Variants in CRAMP1 observed in about 807,000 individuals in gnomAD.
CRAMP1 encodes cramped chromatin regulator 1.
In CRAMP1, 50 loss-of-function variants were observed where a neutral mutation model predicts 115.4. The observed-to-expected ratio is 0.43, with a 90% CI of 0.35 to 0.55. The LOEUF is 0.55. Ranked by LOEUF, CRAMP1 falls within the 20% of genes least tolerant of loss-of-function variation. The pLI is 0.01. For missense variants in CRAMP1, 1,679 were observed against 1,721.7 expected, an observed-to-expected ratio of 0.98 and a Z score of 0.44; for synonymous variants, 866 against 745.4, an observed-to-expected ratio of 1.16 and a Z score of -2.64.
At chr16:1,670,081 A>G (rs145487433) in intron 19 of CRAMP1, among the ~76,000 whole-genome samples, 1 of 152,026 alleles carries the variant, frequency 6.6e-6, no homozygotes, top group South Asian at 2.1e-4. Flanking sequence ...CCTTGGCAGC[A>G]TAGAGAGACC....
intron 6 of CRAMP1, among the ~76,000 whole-genome samples, chr16:1,643,881 A>G (rs1458470723): frequency 2.0e-5 from 3 of 152,224 alleles, no homozygotes; most frequent in Non-Finnish European, 4.4e-5. Flanking sequence ...GTGCTCCTGC[A>G]GTGGAGGGGC....
At chr16:1,626,245 C>CT in intron 3 of CRAMP1, 79 bp downstream of exon 3, 1 of 1,318,546 alleles carries the variant, frequency 7.6e-7, no homozygotes, top group South Asian at 1.6e-5. Context: ...CGTGCTTCCT[C>CT]TTTGCTGTTA....
At position 1,656,502 on chromosome 16, in the gene CRAMP1, C is replaced by CACG; in HGVS notation, c.1746_1748dup (p.Arg583dup). On this transcript the variant is annotated inframe_insertion, in exon 10 of 21. Transcript: ENST00000397412. The surrounding 1 kb of genome is among the most constrained non-coding windows in gnomAD (Gnocchi z 5.6). ...CCCGAGCAGTGCCGCTGTGCGGACA[C>CACG]ACGGCCTGGGAGCGAGCAGCCCCCT... 6.4e-7 allele frequency: 1 copy of CACG among 1,570,346 alleles called. No individual in the cohort carries two copies. Among genetic ancestry groups the CACG allele is most frequent in the Non-Finnish European group, 8.6e-7 (1 of 1,158,508 alleles).
At chr16:1,662,992 G>A (rs2036846075) in intron 13 of CRAMP1, among the ~76,000 whole-genome samples, 157 bp downstream of exon 13, 1 of 152,202 alleles carries the variant, frequency 6.6e-6, no homozygotes, top group African/African-American at 2.4e-5. Flanking sequence ...AGTAATAACA[G>A]TGAACTTAAT....
At position 1,656,096 on chromosome 16, in the gene CRAMP1, A is replaced by G. The variant is rs750113429; in HGVS notation, c.1339A>G (p.Ile447Val). 1 of 1,609,858 alleles carries G rather than the reference A, an allele frequency of 6.2e-7. No individual in the cohort carries two copies. Among genetic ancestry groups the G allele is most frequent in the Non-Finnish European group, 8.5e-7 (1 of 1,178,806 alleles). ...CGCCCACGTGCTGCCCCCAGCCCAG[A>G]TCCTGGGCATCCAGAGTGGGCAGGG... is the stretch of plus-strand genomic sequence containing the variant. ...KDAHVLPPAQ[I>V]LGIQSGQGTA... The change falls in exon 10 of 21, where the codon ATC becomes GTC. Residue 447 changes from isoleucine (I) to valine (V), a missense_variant. By Grantham distance (29) the Ile-to-Val change is conservative. Coordinates refer to ENST00000397412, the MANE Select transcript of CRAMP1 (RefSeq NM_020825.4). This position sits in a 1 kb window ranked among gnomAD's most constrained non-coding sequence, Gnocchi z 5.6.
Position 1,666,675 on chromosome 16 carries a change from TCA to T in CRAMP1, c.3036+77_3036+78del. The T allele has an allele frequency of 2.2e-6, 3 of 1,374,700 alleles. No individual in the cohort carries two copies. Among genetic ancestry groups the T allele is most frequent in the Non-Finnish European group, 3.1e-6 (3 of 975,028 alleles). The allele number at this position is 1,374,700 out of a possible 1,614,324, so 85.2% of individuals were successfully genotyped here. ...GGACGCCAAAGCCATGGGGCTGAGA[TCA>T]CGCTGGACTCCAGCTCTGCCTTTGG... On this transcript the variant is annotated intron_variant, in intron 16 of 20. Coordinates refer to ENST00000397412, the MANE Select transcript of CRAMP1 (RefSeq NM_020825.4). This position sits in a 1 kb window ranked among gnomAD's most constrained non-coding sequence, Gnocchi z 5.0.
chr16:1,674,414 T>G lies in CRAMP1; in HGVS notation c.*369T>G. The G allele has an allele frequency of 3.9e-6, 1 of 253,852 alleles. No homozygotes were observed. The highest frequency in any genetic ancestry group is 7.7e-6 in the Non-Finnish European group (1 of 129,250). The allele number at this position is 253,852 out of a possible 1,614,324, so 15.7% of individuals were successfully genotyped here. On this transcript the variant is annotated 3_prime_UTR_variant, in exon 21 of 21. Transcript: ENST00000397412. ...AGGGAGTATGTGTGCCTTGGTGTAG[T>G]TGCTGTGCACTAGGAGCTGTGATCT...
At chr16:1,619,436 C>G (rs1016925505) in intron 2 of CRAMP1, among the ~76,000 whole-genome samples, 1 of 152,178 alleles carries the variant, frequency 6.6e-6, no homozygotes, top group Admixed American at 6.5e-5. Flanking sequence ...CTGCCTCGGC[C>G]TCCCAAAGTG....
At chr16:1,629,984 C>T (rs529271801) in intron 3 of CRAMP1, among the ~76,000 whole-genome samples, 1 of 152,048 alleles carries the variant, frequency 6.6e-6, no homozygotes, top group East Asian at 1.9e-4. Context: ...TCCCCTCTGG[C>T]CCCTCCAGGT....
intron 13 of CRAMP1, among the ~76,000 whole-genome samples, chr16:1,663,707 C>G (rs1272020574): frequency 1.3e-5 from 2 of 152,166 alleles, no homozygotes; most frequent in Non-Finnish European, 2.9e-5. Context: ...GAAAGGAAAC[C>G]CTGCTCCTAT....
intron 2 of CRAMP1, among the ~76,000 whole-genome samples, chr16:1,621,898 C>A (rs949529814): frequency 6.6e-6 from 1 of 152,152 alleles, no homozygotes; most frequent in Non-Finnish European, 1.5e-5. Flanking sequence ...GAGAAGCCCA[C>A]CTAGTTTTGT....
chr16:1,658,081 C>T (rs569856561), intron 10 of CRAMP1, among the ~76,000 whole-genome samples: 3 of 152,350 alleles, frequency 2.0e-5, no homozygotes, highest in East Asian at 1.9e-4. Flanking sequence ...CCACGCCTCC[C>T]GCTTTTTTTC....
rs1355226970 is a variant in CRAMP1, at chr16:1,660,113, C to T, written c.2413+50C>T. ...TTGTGCCTGGGCTGCCCTGATGGCA[C>T]CTCAGGCTTCAGGGGCCGTGCCGAA... is the stretch of plus-strand genomic sequence containing the variant. On this transcript the variant is annotated intron_variant, in intron 11 of 20. Transcript: ENST00000397412. 5 of 1,428,762 alleles carry T rather than the reference C, an allele frequency of 3.5e-6. No homozygotes were observed. In the African/African-American group the frequency reaches 5.7e-5, roughly 16 times the overall value. The allele number at this position is 1,428,762 out of a possible 1,614,324, so 88.5% of individuals were successfully genotyped here.
At chr16:1,637,358 G>A (rs958004811) in intron 4 of CRAMP1, among the ~76,000 whole-genome samples, 1 of 152,144 alleles carries the variant, frequency 6.6e-6, no homozygotes, top group East Asian at 1.9e-4. Flanking sequence ...CTCAGGCAGG[G>A]GTGAGCACCT....
Position 1,674,531 on chromosome 16 carries a change from C to A in CRAMP1, c.*486C>A. The A allele has an allele frequency of 6.1e-6, 1 of 164,244 alleles. No individual in the cohort carries two copies. Among genetic ancestry groups the A allele is most frequent in the Admixed American group, 5.8e-5 (1 of 17,166 alleles). 10.2% of individuals were successfully genotyped at this position (164,244 alleles called of 1,614,324 possible). A position where few individuals can be genotyped will look rare whatever the true frequency, so the allele number is the denominator to read the frequency against. ...TGTGCCCTCTGTGGACTGTAACGGG[C>A]AGGACAGTTGGGTGTGGCCTGGGCT... On this transcript the variant is annotated 3_prime_UTR_variant, in exon 21 of 21. Coordinates refer to ENST00000397412, the MANE Select transcript of CRAMP1 (RefSeq NM_020825.4).
At chr16:1,638,546 C>CA (rs1029585774) in intron 5 of CRAMP1, among the ~76,000 whole-genome samples, 18 of 152,196 alleles carry the variant, frequency 1.2e-4, no homozygotes, top group Non-Finnish European at 1.5e-5. Flanking sequence ...ACATTTTTGA[C>CA]ACGACCTCTA....
At chr16:1,655,792 C>T (rs897896550) in intron 9 of CRAMP1, 85 bp from the exon 10 acceptor site, 4 of 1,448,848 alleles carry the variant, frequency 2.8e-6, no homozygotes, top group African/African-American at 1.4e-5. Flanking sequence ...CAGTGGGGAG[C>T]GTGGCTCGTG....
chr16:1,624,928 T>C (rs2036496670), intron 2 of CRAMP1, among the ~76,000 whole-genome samples: 1 of 152,050 alleles, frequency 6.6e-6, no homozygotes, highest in African/African-American at 2.4e-5. Context: ...GATTTCATCA[T>C]GTTGCGCATG....
At chr16:1,641,233 G>A in intron 6 of CRAMP1, 46 bp downstream of exon 6, 1 of 1,386,540 alleles carries the variant, frequency 7.2e-7, no homozygotes, top group Non-Finnish European at 1.0e-6. Flanking sequence ...TGGGTGTTTT[G>A]TGTTTATTCT....
Sources: gnomAD v4.1 joint callset for allele counts (sites outside exome capture counted in the v4.1 genomes callset) on GRCh38, gnomAD v4.1.1 for gene constraint, Gnocchi (gnomAD v3.1) non-coding constraint, MANE v1.5 for transcripts, NCBI Gene and HGNC (gene_info 2026-07-23, HGNC 2026-07-21) for gene names.